NCAM2: variants seen among roughly 807,000 people sequenced by gnomAD.
NCAM2 encodes the protein N-CAM-2.
NCAM2 carries 30 observed loss-of-function variants against 98.1 expected under a neutral mutation model. That is an observed-to-expected ratio of 0.31 (90% CI 0.23 to 0.41). NCAM2 has a LOEUF of 0.41. Among genes scored for constraint, NCAM2 ranks in the 10% least tolerant of loss-of-function variants. The probability of loss-of-function intolerance (pLI) is 1.00; values close to 1 mark genes in which losing one functional copy is unlikely to be tolerated. For missense variants in NCAM2, 867 were observed against 1,005.8 expected, an observed-to-expected ratio of 0.86 and a Z score of 1.87; for synonymous variants, 368 against 342.4, an observed-to-expected ratio of 1.07 and a Z score of -0.83.
intron 15 of NCAM2, among the ~76,000 whole-genome samples, chr21:21,503,996 A>G (rs1987806783): frequency 6.6e-6 from 1 of 151,962 alleles, no homozygotes; most frequent in Non-Finnish European, 1.5e-5. Context: ...TTTCATTTAA[A>G]TAGTTGTTAA....
At chr21:21,174,741 AAAAT>A (rs900586809) in intron 1 of NCAM2, among the ~76,000 whole-genome samples, 4 of 152,300 alleles carry the variant, frequency 2.6e-5, no homozygotes, top group Non-Finnish European at 5.9e-5. Context: ...AAATTAAAAA[AAAAT>A]AAATAAATAC....
intron 1 of NCAM2, among the ~76,000 whole-genome samples, chr21:21,178,633 A>G (rs969299858): frequency 1.3e-5 from 2 of 152,020 alleles, no homozygotes. Context: ...ATAGTCCAAG[A>G]TCTCCATATC....
intron 1 of NCAM2, among the ~76,000 whole-genome samples, chr21:21,125,603 A>G (rs2066797648): frequency 7.4e-6 from 1 of 134,230 alleles, no homozygotes; most frequent in African/African-American, 2.7e-5. Context: ...TATTAAATAT[A>G]TAAATATATA....
Position 21,224,256 on chromosome 21 carries a change from G to A in NCAM2, c.56-56322G>A, listed in dbSNP as rs148941890. Among the ~76,000 whole-genome samples, 155 of 152,236 alleles carry A rather than the reference G, an allele frequency of 1.0e-3. 1 individual carries two copies. In the East Asian group the frequency reaches 0.024, roughly 23 times the overall value. On this transcript the variant is annotated intron_variant, in intron 1 of 17. Coordinates refer to ENST00000400546, the MANE Select transcript of NCAM2 (RefSeq NM_004540.5). ...AAAGAAATTTCTCCAAAAAAGAAAA[G>A]CAATTTTGTTTGCTGTGAGAGTTAG... is the stretch of plus-strand genomic sequence containing the variant.
At chr21:21,225,191 G>A (rs1467377568) in intron 1 of NCAM2, among the ~76,000 whole-genome samples, 4 of 152,082 alleles carry the variant, frequency 2.6e-5, no homozygotes, top group Non-Finnish European at 5.9e-5. Flanking sequence ...CTCACTTAAA[G>A]TGGGAGCTGA....
chr21:21,110,850 A>C (rs1248330747), intron 1 of NCAM2, among the ~76,000 whole-genome samples: 1 of 152,118 alleles, frequency 6.6e-6, no homozygotes, highest in East Asian at 2.0e-4. Context: ...TAATTCAATT[A>C]AATACAGATT....
intron 8 of NCAM2, among the ~76,000 whole-genome samples, chr21:21,369,090 G>T (rs2075854499): frequency 6.6e-6 from 1 of 151,408 alleles, no homozygotes. Flanking sequence ...CACTTCTTTT[G>T]GTCATCACCC....
intron 1 of NCAM2, among the ~76,000 whole-genome samples, chr21:21,098,477 A>G (rs1254385188): frequency 7.2e-5 from 11 of 151,770 alleles, no homozygotes; most frequent in Non-Finnish European, 1.6e-4. Flanking sequence ...ACATATCCAA[A>G]TACATTCCAG....
At chr21:21,454,238 T>C (rs556879512) in intron 12 of NCAM2, among the ~76,000 whole-genome samples, 1 of 144,362 alleles carries the variant, frequency 6.9e-6, no homozygotes, top group South Asian at 2.1e-4. Flanking sequence ...AGTGAGAATA[T>C]AATCACAAAA....
chr21:21,153,106 T>C (rs1283938546), intron 1 of NCAM2, among the ~76,000 whole-genome samples: 7 of 151,822 alleles, frequency 4.6e-5, no homozygotes, highest in Non-Finnish European at 1.0e-4. Context: ...TGTTTTTTAG[T>C]TGTTTAGATG....
intron 15 of NCAM2, among the ~76,000 whole-genome samples, chr21:21,483,603 A>T (rs1025967760): frequency 6.6e-6 from 1 of 151,100 alleles, no homozygotes; most frequent in Admixed American, 6.6e-5. Context: ...GATTACATTT[A>T]TGGTTGTTTT....
chr21:21,131,918 A>G (rs2066944008), intron 1 of NCAM2, among the ~76,000 whole-genome samples: 1 of 152,190 alleles, frequency 6.6e-6, no homozygotes, highest in Admixed American at 6.5e-5. Flanking sequence ...TTAATTTCCT[A>G]TTGATATTGT....
intron 1 of NCAM2, among the ~76,000 whole-genome samples, chr21:21,047,693 A>C (rs1209101003): frequency 6.6e-6 from 1 of 152,160 alleles, no homozygotes; most frequent in East Asian, 1.9e-4. Flanking sequence ...TACATTATGC[A>C]TTGTTTTTTT....
intron 1 of NCAM2, among the ~76,000 whole-genome samples, chr21:21,036,227 A>G (rs2146242722): frequency 6.6e-6 from 1 of 152,282 alleles, no homozygotes; most frequent in African/African-American, 2.4e-5. Context: ...GACTTTGCCA[A>G]ATTGATAACT....
intron 1 of NCAM2, among the ~76,000 whole-genome samples, chr21:21,015,001 G>A (rs1237315359): frequency 4.6e-5 from 7 of 152,194 alleles, no homozygotes; most frequent in African/African-American, 1.7e-4. Flanking sequence ...AAGAGAAATA[G>A]ATTAGAAGTG....
intron 10 of NCAM2, among the ~76,000 whole-genome samples, chr21:21,412,131 A>G (rs1871296209): frequency 6.6e-6 from 1 of 152,212 alleles, no homozygotes; most frequent in Non-Finnish European, 1.5e-5. Flanking sequence ...TCTGGAGGAT[A>G]GAGGTTCAAT....
chr21:21,473,619 C>A (rs1047997070), intron 14 of NCAM2, among the ~76,000 whole-genome samples: 50 of 151,554 alleles, frequency 3.3e-4, no homozygotes, highest in Admixed American at 2.6e-4. Context: ...TATGAGCTCA[C>A]CTTCTCTATT....
chr21:21,453,419 TAGG>T (rs2146147648), intron 12 of NCAM2, among the ~76,000 whole-genome samples: 1 of 151,960 alleles, frequency 6.6e-6, no homozygotes, highest in African/African-American at 2.4e-5. Flanking sequence ...TTAAATGAAG[TAGG>T]AGTAGACAGA....
chr21:21,439,506 T>A (rs1204415841), intron 12 of NCAM2, among the ~76,000 whole-genome samples: 1 of 152,188 alleles, frequency 6.6e-6, no homozygotes, highest in East Asian at 1.9e-4. Flanking sequence ...AGAAACTTAT[T>A]TCAGTTTGGT....
Sources: gnomAD v4.1 joint callset for allele counts (sites outside exome capture counted in the v4.1 genomes callset) on GRCh38, gnomAD v4.1.1 for gene constraint, MANE v1.5 for transcripts, NCBI Gene and HGNC (gene_info 2026-07-23, HGNC 2026-07-21) for gene names.